Variants in PRICKLE2 observed in about 807,000 individuals in gnomAD.
PRICKLE2 encodes prickle-like protein 2.
Under a neutral mutation model 81.4 loss-of-function variants are expected in PRICKLE2, and 21 were observed. The observed-to-expected ratio is 0.26, with a 90% CI of 0.18 to 0.37. The LOEUF (loss-of-function observed/expected upper bound fraction) is 0.37, where lower values mean the gene tolerates loss of function less well. Among genes scored for constraint, PRICKLE2 ranks in the 10% least tolerant of loss-of-function variants. The probability of loss-of-function intolerance (pLI) is 1.00; values close to 1 mark genes in which losing one functional copy is unlikely to be tolerated. For missense variants in PRICKLE2, 940 were observed against 1,109.0 expected, an observed-to-expected ratio of 0.85 and a Z score of 2.16; for synonymous variants, 456 against 421.5, an observed-to-expected ratio of 1.08 and a Z score of -1.00.
At chr3:64,208,375 C>A (rs1209294774) in intron 1 of PRICKLE2, among the ~76,000 whole-genome samples, 1 of 152,218 alleles carries the variant, frequency 6.6e-6, no homozygotes, top group South Asian at 2.1e-4. Context: ...ATGTGACCCC[C>A]ACACAGGGCT....
chr3:64,239,166 C>T (rs987284193), intron 2 of PRICKLE2, among the ~76,000 whole-genome samples: 7 of 152,196 alleles, frequency 4.6e-5, no homozygotes, highest in South Asian at 2.1e-4. Context: ...CACCACAGGG[C>T]GAGGTAGCAG....
chr3:64,157,234 G>A lies in PRICKLE2; in HGVS notation c.528C>T (p.Tyr176=). The change falls in exon 5 of 8, where the codon TAC becomes TAT. Residue 176 remains tyrosine (Y), a synonymous_variant. Transcript: ENST00000638394. ...NELLVDLIYF[Y]QDGKIYCGRH... ...TGCCACAGTATATCTTCCCATCTTG[G>A]TAAAAGTAGATCAGATCCACCAGGA... 1 of 1,614,236 alleles carries A rather than the reference G, an allele frequency of 6.2e-7. No individual in the cohort carries two copies. The highest frequency in any genetic ancestry group is 8.5e-7 in the Non-Finnish European group (1 of 1,180,042).
At chr3:64,243,639 G>T (rs763885032) in intron 2 of PRICKLE2, among the ~76,000 whole-genome samples, 6 of 152,180 alleles carry the variant, frequency 3.9e-5, no homozygotes, top group Non-Finnish European at 8.8e-5. Flanking sequence ...ACAGATAATA[G>T]TATTCTGAGG....
intron 2 of PRICKLE2, among the ~76,000 whole-genome samples, chr3:64,259,088 T>C (rs2079579072): frequency 6.6e-6 from 1 of 152,156 alleles, no homozygotes; most frequent in African/African-American, 2.4e-5. Flanking sequence ...ATCTAGAAGA[T>C]GTAATGTGAC....
chr3:64,252,028 G>A (rs1045617818), intron 2 of PRICKLE2, among the ~76,000 whole-genome samples: 2 of 152,066 alleles, frequency 1.3e-5, no homozygotes, highest in African/African-American at 4.8e-5. Context: ...CTTCCTATGG[G>A]TGAATTCACA....
At chr3:64,205,655 A>G (rs2078674221) in intron 1 of PRICKLE2, among the ~76,000 whole-genome samples, 1 of 152,228 alleles carries the variant, frequency 6.6e-6, no homozygotes. Flanking sequence ...AAGTTCAAGT[A>G]GCAAATTGTA....
At chr3:64,257,529 G>T (rs1311430047) in intron 2 of PRICKLE2, among the ~76,000 whole-genome samples, 1 of 152,182 alleles carries the variant, frequency 6.6e-6, no homozygotes, top group Non-Finnish European at 1.5e-5. Context: ...TGAATGAGGT[G>T]GCCCTGAGTG....
At chr3:64,208,513 A>G (rs1251852292) in intron 1 of PRICKLE2, among the ~76,000 whole-genome samples, 2 of 152,142 alleles carry the variant, frequency 1.3e-5, no homozygotes, top group African/African-American at 4.8e-5. Context: ...AGAGGTAAAA[A>G]TCTGCTCCAA....
intron 7 of PRICKLE2, among the ~76,000 whole-genome samples, chr3:64,140,086 A>T (rs538857408): frequency 2.6e-5 from 4 of 152,236 alleles, no homozygotes; most frequent in Admixed American, 2.6e-4. Flanking sequence ...CCAGTATTCA[A>T]TGAGCACTTA....
intron 2 of PRICKLE2, among the ~76,000 whole-genome samples, chr3:64,253,052 C>A (rs1408627019): frequency 1.3e-5 from 2 of 152,120 alleles, no homozygotes; most frequent in Non-Finnish European, 2.9e-5. Flanking sequence ...TAAGATTCAC[C>A]TCCCACCTGA....
rs746187709 is a variant in PRICKLE2, at chr3:64,159,924, C to T, written c.396+16G>A. 6.2e-7 allele frequency: 1 copy of T among 1,614,096 alleles called. No homozygotes were observed. The highest frequency in any genetic ancestry group is 1.1e-5 in the South Asian group (1 of 91,078). On this transcript the variant is annotated intron_variant, in intron 4 of 7. Transcript: ENST00000638394. ...GCCAGAACAATGCCTCTTCACTCCCCTGAATCCATGCTTACCTGTTCACAA... is the reference window on the plus strand; with the variant it reads ...GCCAGAACAATGCCTCTTCACTCCCTTGAATCCATGCTTACCTGTTCACAA...
intron 2 of PRICKLE2, among the ~76,000 whole-genome samples, chr3:64,167,485 A>G (rs1007069804): frequency 3.9e-5 from 6 of 152,234 alleles, no homozygotes; most frequent in Non-Finnish European, 5.9e-5. Flanking sequence ...AAGGCCTTTA[A>G]GGTGTAACTC....
At chr3:64,154,075 G>A (rs551860608) in intron 5 of PRICKLE2, 39 of 152,822 alleles carry the variant, frequency 2.6e-4, no homozygotes, top group African/African-American at 8.4e-4. Context: ...GCATATAGAT[G>A]AATAGGTATC....
chr3:64,217,976 A>T (rs904900925), intron 1 of PRICKLE2, among the ~76,000 whole-genome samples: 1 of 152,198 alleles, frequency 6.6e-6, no homozygotes, highest in Non-Finnish European at 1.5e-5. Flanking sequence ...TCAGGACAAT[A>T]ATCTGCATGG....
At chr3:64,203,978 A>AACAC (rs143156633) in intron 1 of PRICKLE2, among the ~76,000 whole-genome samples, 6 of 151,060 alleles carry the variant, frequency 4.0e-5, no homozygotes, top group African/African-American at 9.7e-5. Flanking sequence ...ATGCTGTCTC[A>AACAC]ACACACACAC....
Position 64,099,136 on chromosome 3 carries a change from C to G in PRICKLE2, c.2450G>C (p.Gly817Ala), listed in dbSNP as rs1430106024. 2 of 1,614,154 alleles carry G rather than the reference C, an allele frequency of 1.2e-6. No homozygotes were observed. The highest frequency in any genetic ancestry group is 1.7e-6 in the Non-Finnish European group (2 of 1,180,032). The change falls in exon 8 of 8, where the codon GGC (glycine) becomes GCC (alanine). Residue 817 changes from glycine (G) to alanine (A), a missense_variant. Physicochemically the swap from Gly to Ala is moderately conservative, Grantham distance 60. Transcript: ENST00000638394. The surrounding 1 kb of genome is among the most constrained non-coding windows in gnomAD (Gnocchi z 4.3). The part of the protein sequence containing the change: ...DELLHKYSSY[G>A]LPKSSTLGGR... ...ACCTAATGTGGAAGATTTGGGGAGGCCGTAGGAGCTGTATTTGTGCAGCAG... is the reference window on the plus strand; with the variant it reads ...ACCTAATGTGGAAGATTTGGGGAGGGCGTAGGAGCTGTATTTGTGCAGCAG...
chr3:64,168,229 T>C (rs2077867992), intron 2 of PRICKLE2, among the ~76,000 whole-genome samples: 1 of 152,166 alleles, frequency 6.6e-6, no homozygotes, highest in Non-Finnish European at 1.5e-5. Context: ...TAGACTTTCT[T>C]GGCCGATTTC....
In PRICKLE2 at chr3:64,235,534, C is replaced by T. The variant is rs191322449; in HGVS notation, c.129-36567G>A. On this transcript the variant is annotated intron_variant, in intron 2 of 8. Coordinates refer to the PRICKLE2 transcript ENST00000295902. ...TGACTGTGCACCACCACCCTGCCCC[C>T]CTTCTGGAGCTTTTTGTTGTTGTTT... Among the ~76,000 whole-genome samples, 459 of 152,226 alleles carry T rather than the reference C, an allele frequency of 3.0e-3. 3 individuals carry two copies. The highest frequency in any genetic ancestry group is 9.7e-3 in the African/African-American group (403 of 41,522).
At chr3:64,192,333 TG>T (rs954680086) in intron 2 of PRICKLE2, among the ~76,000 whole-genome samples, 2 of 152,322 alleles carry the variant, frequency 1.3e-5, no homozygotes, top group African/African-American at 4.8e-5. Flanking sequence ...CCTGCCCTCC[TG>T]GGCCTTAAAG....
Sources: allele counts gnomAD v4.1 joint callset (sites outside exome capture counted in the v4.1 genomes callset), GRCh38; gene constraint gnomAD v4.1.1; non-coding constraint Gnocchi (gnomAD v3.1); transcripts MANE v1.5; gene names NCBI Gene and HGNC (gene_info 2026-07-23, HGNC 2026-07-21).